BUB1B: variants seen among roughly 807,000 people sequenced by gnomAD.
BUB1B encodes the protein BUB1 mitotic checkpoint serine/threonine kinase B, also known as mitotic checkpoint serine/threonine-protein kinase BUB1 beta.
Under a neutral mutation model 137.7 loss-of-function variants are expected in BUB1B, and 86 were observed. That is an observed-to-expected ratio of 0.62 (90% CI 0.52 to 0.75). The LOEUF is 0.75. Among genes scored for constraint, BUB1B ranks in the 30% least tolerant of loss-of-function variants. The pLI is 0.00. For missense variants in BUB1B, 1,130 were observed against 1,236.9 expected (o/e 0.91, Z 1.30); for synonymous variants, 420 against 417.9 (o/e 1.00, Z -0.06).
At chr15:40,207,292 A>G (rs548121447) in intron 15 of BUB1B, among the ~76,000 whole-genome samples, 1 of 152,280 alleles carries the variant, frequency 6.6e-6, no homozygotes, top group South Asian at 2.1e-4. Flanking sequence ...GTAATTGGCA[A>G]ATTTTTGCTT....
At chr15:40,170,866 A>G (rs1055720867) in intron 4 of BUB1B, among the ~76,000 whole-genome samples, 185 bp downstream of exon 4, 4 of 152,328 alleles carry the variant, frequency 2.6e-5, no homozygotes, top group Admixed American at 2.6e-4. Flanking sequence ...TAAATATAGT[A>G]TAATAAGGTA....
intron 14 of BUB1B, among the ~76,000 whole-genome samples, chr15:40,203,526 A>G (rs1451649986): frequency 6.6e-6 from 1 of 152,220 alleles, no homozygotes; most frequent in Non-Finnish European, 1.5e-5. Context: ...AAAAGGGTCA[A>G]TTTTATGGTA....
intron 2 of BUB1B, chr15:40,166,368 C>G: frequency 2.3e-6 from 1 of 432,200 alleles, no homozygotes; most frequent in South Asian, 1.6e-5. Flanking sequence ...GAGACGGAGT[C>G]TCGCTCTTTC....
intron 5 of BUB1B, among the ~76,000 whole-genome samples, chr15:40,180,427 G>A (rs776099703): frequency 4.7e-5 from 7 of 150,340 alleles, no homozygotes; most frequent in East Asian, 3.9e-4. Context: ...CACCACACCC[G>A]GCTAATTTTT....
chr15:40,193,298 TTCCACA>T (rs2140896335), intron 8 of BUB1B, among the ~76,000 whole-genome samples: 1 of 152,286 alleles, frequency 6.6e-6, no homozygotes, highest in South Asian at 2.1e-4. Flanking sequence ...GCTTCTATTG[TTCCACA>T]TCCTTGGCAG....
chr15:40,206,414 T>C lies in BUB1B; in HGVS notation c.1965T>C (p.Ala655=), dbSNP rs778468645. The change falls in exon 15 of 23, where the codon GCT becomes GCC. Residue 655 remains alanine, a synonymous_variant. Coordinates refer to ENST00000287598, the MANE Select transcript of BUB1B (RefSeq NM_001211.6). The stretch of plus-strand genomic sequence containing the variant: ...AGACCTCTGAGGACCAGCAGACAGC[T>C]TGTGGCACTATCTACAGTCAGACTC... ...DVKTSEDQQT[A]CGTIYSQTLS... 6.2e-7 allele frequency: 1 copy of C among 1,614,214 alleles called. No individual in the cohort carries two copies. The highest frequency in any genetic ancestry group is 1.1e-5 in the South Asian group (1 of 91,088).
At chr15:40,187,775 G>A (rs1000879211) in intron 8 of BUB1B, among the ~76,000 whole-genome samples, 1 of 152,064 alleles carries the variant, frequency 6.6e-6, no homozygotes, top group African/African-American at 2.4e-5. Context: ...CAAGTGCAGT[G>A]GCTTGCACCT....
At chr15:40,211,662 C>T (rs1480621144) in intron 18 of BUB1B, among the ~76,000 whole-genome samples, 1 of 152,098 alleles carries the variant, frequency 6.6e-6, no homozygotes, top group African/African-American at 2.4e-5. Flanking sequence ...TATGTTATTT[C>T]TACCCCCCTC....
In BUB1B at chr15:40,220,684, A is replaced by C; in HGVS notation, c.3078A>C (p.Thr1026=). 6.2e-7 allele frequency: 1 copy of C among 1,614,222 alleles called. No individual in the cohort carries two copies. The highest frequency in any genetic ancestry group is 8.5e-7 in the Non-Finnish European group (1 of 1,180,042). The change falls in exon 23 of 23, where the codon ACA becomes ACC. Residue 1026 remains threonine, a synonymous_variant. Transcript: ENST00000287598. ...AAATGAATGGGGTTTTTGACACTAC[A>C]TTCCAAAGTCACCTGAACAAAGCCT... ...AAEMNGVFDT[T]FQSHLNKALW... is the part of the protein sequence containing the mutation.
chr15:40,213,876 T>A lies in BUB1B; in HGVS notation c.2678+402T>A, dbSNP rs1261471578. Reference sequence around the variant, plus strand: ...TTAAAGCCTTTTGATAAATGCCATATCGAGGAACATATTATGTTAAGAGAG... The same window carrying A: ...TTAAAGCCTTTTGATAAATGCCATAACGAGGAACATATTATGTTAAGAGAG... On this transcript the variant is annotated intron_variant, in intron 20 of 22. Transcript: ENST00000287598. Among the ~76,000 whole-genome samples the A allele has an allele frequency of 2.0e-5, 3 of 152,074 alleles. No individual in the cohort carries two copies. In the East Asian group the frequency reaches 5.8e-4, roughly 29 times the overall value.
At chr15:40,171,284 A>C (rs946964139) in intron 4 of BUB1B, among the ~76,000 whole-genome samples, 3 of 152,154 alleles carry the variant, frequency 2.0e-5, no homozygotes, top group Admixed American at 6.5e-5. Flanking sequence ...GCAGTGTTTC[A>C]TGTCTGTAGT....
intron 20 of BUB1B, among the ~76,000 whole-genome samples, chr15:40,213,985 G>T (rs2037745103): frequency 6.6e-6 from 1 of 152,150 alleles, no homozygotes; most frequent in Admixed American, 6.6e-5. Context: ...GATTAAATCA[G>T]ATAAAAGAAT....
chr15:40,214,548 G>A (rs951763183), intron 20 of BUB1B, among the ~76,000 whole-genome samples: 1 of 152,042 alleles, frequency 6.6e-6, no homozygotes, highest in Non-Finnish European at 1.5e-5. Context: ...ACTAATAGCT[G>A]GACTTACTCT....
At chr15:40,185,713 C>T (rs938355100) in intron 8 of BUB1B, 71 bp downstream of exon 8, 23 of 1,407,872 alleles carry the variant, frequency 1.6e-5, no homozygotes, top group Non-Finnish European at 2.3e-5. Context: ...TTCTACTTCC[C>T]AAAGGCAGTT....
chr15:40,196,991 C>T (rs752024994), intron 9 of BUB1B, among the ~76,000 whole-genome samples: 2 of 152,114 alleles, frequency 1.3e-5, no homozygotes, highest in Non-Finnish European at 2.9e-5. Context: ...TGCTGCCTTC[C>T]ATGAAAACTC....
chr15:40,187,391 G>T (rs1184033093), intron 8 of BUB1B, among the ~76,000 whole-genome samples: 11 of 152,002 alleles, frequency 7.2e-5, no homozygotes, highest in Admixed American at 6.6e-4. Flanking sequence ...CTCCCAAAGT[G>T]CTGGGATTAC....
intron 8 of BUB1B, among the ~76,000 whole-genome samples, chr15:40,186,394 C>G (rs1012503668): frequency 6.7e-6 from 1 of 150,102 alleles, no homozygotes; most frequent in East Asian, 1.9e-4. Context: ...AACAAGCCAG[C>G]CTGAGATTTA....
chr15:40,213,384 T>C lies in BUB1B; in HGVS notation c.2588T>C (p.Ile863Thr), dbSNP rs1412254854. ...YITHEITVLI[I>T]YNLLTIVEML... The stretch of plus-strand genomic sequence containing the variant: ...ACCCATGAAATAACAGTGTTGATTA[T>C]TTATAACCTTTTGACAATAGTGGAG... The change falls in exon 20 of 23, where the codon ATT becomes ACT. Residue 863 changes from isoleucine to threonine, a missense_variant. Physicochemically the swap from Ile to Thr is moderately conservative, Grantham distance 89. Coordinates refer to ENST00000287598, the MANE Select transcript of BUB1B (RefSeq NM_001211.6). The C allele has an allele frequency of 2.5e-6, 4 of 1,613,924 alleles. No homozygotes were observed. Among genetic ancestry groups the C allele is most frequent in the Non-Finnish European group, 3.4e-6 (4 of 1,179,806 alleles).
chr15:40,190,570 C>T (rs377220282), intron 8 of BUB1B, among the ~76,000 whole-genome samples: 1 of 152,142 alleles, frequency 6.6e-6, no homozygotes, highest in Non-Finnish European at 1.5e-5. Flanking sequence ...GCCAGGGTCA[C>T]GCCACTGTAC....
Sources: allele counts gnomAD v4.1 joint callset (sites outside exome capture counted in the v4.1 genomes callset), GRCh38; gene constraint gnomAD v4.1.1; transcripts MANE v1.5; gene names NCBI Gene and HGNC (gene_info 2026-07-23, HGNC 2026-07-21).